ADGRL3: variants seen among roughly 807,000 people sequenced by gnomAD.
ADGRL3 encodes the protein adhesion G protein-coupled receptor L3, also known as calcium-independent alpha-latrotoxin receptor 3.
ADGRL3 carries 62 observed loss-of-function variants against 153.5 expected under a neutral mutation model. The ratio of observed to expected loss-of-function variants is 0.40; its 90% CI spans 0.33 to 0.50. The LOEUF is 0.50. ADGRL3 is among the 20% of genes least tolerant of loss of function. ADGRL3 has a pLI of 0.47. For missense variants in ADGRL3, 1,641 were observed against 1,859.4 expected (o/e 0.88, Z 2.16); for synonymous variants, 710 against 672.5 (o/e 1.06, Z -0.86).
chr4:61,863,425 G>C (rs1488190751), intron 9 of ADGRL3, among the ~76,000 whole-genome samples: 6 of 151,256 alleles, frequency 4.0e-5, no homozygotes, highest in Non-Finnish European at 7.4e-5. Flanking sequence ...TTTTAGTAGA[G>C]ACGAGGTTTC....
At chr4:61,779,633 CAAAAAAAAAAA>C (rs1174232668) in intron 8 of ADGRL3, among the ~76,000 whole-genome samples, 3 of 42,092 alleles carry the variant, frequency 7.1e-5, no homozygotes, top group Admixed American at 3.9e-4. Flanking sequence ...GACTCTGTCT[CAAAAAAAAAAA>C]AAAAAAAAAA....
At chr4:61,500,731 C>T (rs1028711761) in intron 3 of ADGRL3, among the ~76,000 whole-genome samples, 1 of 152,126 alleles carries the variant, frequency 6.6e-6, no homozygotes, top group Non-Finnish European at 1.5e-5. Context: ...ATTTTATAGC[C>T]ATAAACTTTA....
At chr4:61,981,476 T>C (rs1285677752) in intron 18 of ADGRL3, among the ~76,000 whole-genome samples, 3 of 151,766 alleles carry the variant, frequency 2.0e-5, no homozygotes, top group Non-Finnish European at 2.9e-5. Flanking sequence ...GCCAGCCTTG[T>C]ACGTTATTGC....
At chr4:61,329,771 G>A (rs559251548) in intron 1 of ADGRL3, among the ~76,000 whole-genome samples, 1 of 152,252 alleles carries the variant, frequency 6.6e-6, no homozygotes, top group African/African-American at 2.4e-5. Context: ...TTTTCTAATG[G>A]TGGACATATG....
intron 2 of ADGRL3, among the ~76,000 whole-genome samples, chr4:61,419,357 A>G (rs2097176929): frequency 6.6e-6 from 1 of 150,768 alleles, no homozygotes; most frequent in African/African-American, 2.5e-5. Flanking sequence ...AATAATGAAA[A>G]CAAGTGAGAT....
At chr4:61,685,047 C>T (rs1435070202) in intron 6 of ADGRL3, among the ~76,000 whole-genome samples, 1 of 151,898 alleles carries the variant, frequency 6.6e-6, no homozygotes, top group Non-Finnish European at 1.5e-5. Context: ...TCCCAAGTAG[C>T]TGGGACTACA....
chr4:61,551,863 T>C (rs913687384), intron 4 of ADGRL3, among the ~76,000 whole-genome samples: 1 of 152,170 alleles, frequency 6.6e-6, no homozygotes, highest in African/African-American at 2.4e-5. Flanking sequence ...AATTTATGAC[T>C]GTAAATGGCA....
chr4:61,873,149 T>A (rs2149405889), intron 9 of ADGRL3, among the ~76,000 whole-genome samples: 1 of 152,316 alleles, frequency 6.6e-6, no homozygotes, highest in South Asian at 2.1e-4. Context: ...TTAGTGATCA[T>A]CAAATGGAGT....
intron 1 of ADGRL3, among the ~76,000 whole-genome samples, chr4:61,320,006 G>A (rs1032457770): frequency 2.6e-5 from 4 of 152,100 alleles, no homozygotes; most frequent in African/African-American, 9.7e-5. Flanking sequence ...TCCTAAGGAT[G>A]AAGCCCTAAT....
rs148610782 is a variant in ADGRL3, at chr4:61,916,140, C to T, written c.2112+3383C>T. Reference sequence around the variant, plus strand: ...TCAGTTGTCAACTATGATAACTGACCTGTAGTTGTACAATTAAAAGTGGCT... The same window carrying T: ...TCAGTTGTCAACTATGATAACTGACTTGTAGTTGTACAATTAAAAGTGGCT... On this transcript the variant is annotated intron_variant, in intron 13 of 26. Coordinates refer to ENST00000683033, the MANE Select transcript of ADGRL3 (RefSeq NM_001387552.1). Among the ~76,000 whole-genome samples, 408 of 152,126 alleles carry T rather than the reference C, an allele frequency of 2.7e-3. 1 individual carries two copies. Among genetic ancestry groups the T allele is most frequent in the Middle Eastern group, 0.024 (7 of 294 alleles).
intron 9 of ADGRL3, among the ~76,000 whole-genome samples, chr4:61,888,790 G>T (rs1273192897): frequency 6.6e-6 from 1 of 152,116 alleles, no homozygotes; most frequent in Non-Finnish European, 1.5e-5. Flanking sequence ...ATAACAAATT[G>T]AAGTTTTTTA....
intron 2 of ADGRL3, among the ~76,000 whole-genome samples, chr4:61,431,159 A>C (rs1329176623): frequency 6.6e-6 from 1 of 152,198 alleles, no homozygotes; most frequent in Non-Finnish European, 1.5e-5. Flanking sequence ...TTGGGGATGT[A>C]ATCTCTTTAT....
intron 2 of ADGRL3, among the ~76,000 whole-genome samples, chr4:61,483,135 T>C (rs1256622399): frequency 1.3e-5 from 2 of 152,178 alleles, no homozygotes; most frequent in Admixed American, 6.5e-5. Flanking sequence ...GCTGTTCTTT[T>C]TCAAGTGCTG....
In ADGRL3 at chr4:61,446,847, T is replaced by C. The variant is rs553919351; in HGVS notation, c.-173-50274T>C. Among the ~76,000 whole-genome samples, 25 of 152,308 alleles carry C rather than the reference T, an allele frequency of 1.6e-4. 1 individual carries two copies. The highest frequency in any genetic ancestry group is 4.6e-4 in the African/African-American group (19 of 41,568). On this transcript the variant is annotated intron_variant, in intron 2 of 26. Coordinates refer to ENST00000683033, the MANE Select transcript of ADGRL3 (RefSeq NM_001387552.1). ...ACCCATTTGTTTTCCCTACTTGCTA[T>C]AGAAGAGTAATAATTGCATTACAAT...
chr4:61,672,483 C>T (rs900482070), intron 5 of ADGRL3, among the ~76,000 whole-genome samples: 2 of 151,906 alleles, frequency 1.3e-5, no homozygotes, highest in Admixed American at 6.6e-5. Context: ...AACAAATAAC[C>T]TAATTTAAAA....
chr4:61,540,387 A>G lies in ADGRL3; in HGVS notation c.259+22869A>G, dbSNP rs567911147. Among the ~76,000 whole-genome samples, 15 of 152,186 alleles carry G rather than the reference A, an allele frequency of 9.9e-5. No homozygotes were observed. In the East Asian group the frequency reaches 1.2e-3, roughly 12 times the overall value. On this transcript the variant is annotated intron_variant, in intron 4 of 26. Transcript: ENST00000683033. The stretch of plus-strand genomic sequence containing the variant: ...AATTAGGAGAAACTCCGTCTCTACT[A>G]AAAATACAAAAATTAGCCAGGTGTA...
intron 1 of ADGRL3, among the ~76,000 whole-genome samples, chr4:61,258,040 A>AGG (rs2092157520): frequency 1.3e-5 from 2 of 152,112 alleles, no homozygotes; most frequent in South Asian, 4.1e-4. Context: ...ACCAGCCCCC[A>AGG]TCTTCCTCCA....
In ADGRL3 at chr4:61,637,184, AGT is replaced by A. The variant is rs1017858237; in HGVS notation, c.474-39641_474-39640del. On this transcript the variant is annotated intron_variant, in intron 5 of 26. Coordinates refer to ENST00000683033, the MANE Select transcript of ADGRL3 (RefSeq NM_001387552.1). Reference sequence around the variant, plus strand: ...AAACAGGGTCACCAAAGATGTAATTAGTTAAGATAAGGTCATATCAGAGTAGA... The same window carrying A: ...AAACAGGGTCACCAAAGATGTAATTATAAGATAAGGTCATATCAGAGTAGA... Among the ~76,000 whole-genome samples the A allele has an allele frequency of 2.0e-5, 3 of 152,196 alleles. No homozygotes were observed. The East Asian group carries it at 5.8e-4, about 29-fold the overall frequency.
At chr4:61,607,933 A>G (rs1006867302) in intron 5 of ADGRL3, among the ~76,000 whole-genome samples, 1 of 152,220 alleles carries the variant, frequency 6.6e-6, no homozygotes, top group African/African-American at 2.4e-5. Flanking sequence ...GAGCCAGAAC[A>G]GCCAGTCTGT....
Sources: allele counts gnomAD v4.1 joint callset (sites outside exome capture counted in the v4.1 genomes callset), GRCh38; gene constraint gnomAD v4.1.1; transcripts MANE v1.5; gene names NCBI Gene and HGNC (gene_info 2026-07-23, HGNC 2026-07-21).